The following PCDHGB1 variants were observed in gnomAD, a reference collection of about 807,000 sequenced individuals.
PCDHGB1 encodes protocadherin gamma-B1.
A neutral mutation model predicts 56.6 loss-of-function variants in PCDHGB1; 34 were observed. That is an observed-to-expected ratio of 0.60 (90% CI 0.46 to 0.80). The LOEUF (loss-of-function observed/expected upper bound fraction) is 0.80, where lower values mean the gene tolerates loss of function less well. Ranked by LOEUF, PCDHGB1 falls within the 30% of genes least tolerant of loss-of-function variation. PCDHGB1 has a pLI of 0.00. For synonymous variants in PCDHGB1, 561 were observed against 505.9 expected (o/e 1.11, Z -1.46); for missense variants, 1,278 against 1,204.6 (o/e 1.06, Z -0.90).
At chr5:141,456,309 A>T (rs1305324857) in intron 1 of PCDHGB1, among the ~76,000 whole-genome samples, 1 of 152,138 alleles carries the variant, frequency 6.6e-6, no homozygotes, top group Non-Finnish European at 1.5e-5. Flanking sequence ...AACAGCAGCT[A>T]GGGCTCCTCC....
chr5:141,359,031 G>A (rs1460907999), intron 1 of PCDHGB1, among the ~76,000 whole-genome samples: 1 of 152,244 alleles, frequency 6.6e-6, no homozygotes, highest in Non-Finnish European at 1.5e-5. Flanking sequence ...ACTGGAAGTT[G>A]TAGTGATAGA....
chr5:141,420,465 A>G, intron 1 of PCDHGB1: 1 of 807,604 alleles, frequency 1.2e-6, no homozygotes. Context: ...ATTCAAAGAC[A>G]TTTTAAAGCA....
intron 1 of PCDHGB1, chr5:141,428,358 G>C: frequency 1.8e-6 from 1 of 565,492 alleles, no homozygotes; most frequent in South Asian, 1.9e-5. Context: ...TGATTTTGGC[G>C]GTCGCCTTGC....
intron 1 of PCDHGB1, chr5:141,404,393 A>G: frequency 6.2e-7 from 1 of 1,613,962 alleles, no homozygotes; most frequent in Non-Finnish European, 8.5e-7. Flanking sequence ...TGACCCTGAT[A>G]GCAATGAGAA....
chr5:141,413,033 T>G, intron 1 of PCDHGB1: 1 of 776,760 alleles, frequency 1.3e-6, no homozygotes, highest in Non-Finnish European at 2.0e-6. Context: ...ACAAACCGGC[T>G]GCTGGGCTGC....
At chr5:141,372,615 C>A (rs1244865693) in intron 1 of PCDHGB1, 1 of 1,613,850 alleles carries the variant, frequency 6.2e-7, no homozygotes, top group African/African-American at 1.3e-5. Context: ...TGGAGTTCTC[C>A]CCACCTACAG....
intron 3 of PCDHGB1, among the ~76,000 whole-genome samples, chr5:141,509,381 C>T (rs181928019): frequency 6.6e-6 from 1 of 152,256 alleles, no homozygotes; most frequent in East Asian, 1.9e-4. Flanking sequence ...TGTCTCCTAA[C>T]CACAGAGGAT....
chr5:141,508,171 A>G (rs1364776681), intron 3 of PCDHGB1: 2 of 152,406 alleles, frequency 1.3e-5, no homozygotes, highest in African/African-American at 4.8e-5. Context: ...AGGCTGGCAC[A>G]GGAGAGAAGG....
intron 1 of PCDHGB1, chr5:141,409,257 T>C: frequency 6.2e-7 from 1 of 1,614,022 alleles, no homozygotes; most frequent in Non-Finnish European, 8.5e-7. Flanking sequence ...ATCACTTCTC[T>C]CTCTGATCAG....
chr5:141,408,729 C>T (rs767933076), intron 1 of PCDHGB1: 9 of 1,610,240 alleles, frequency 5.6e-6, no homozygotes, highest in Non-Finnish European at 7.6e-6. Flanking sequence ...AACTCTAATC[C>T]TTATTTTTCA....
rs112808093 is a variant in PCDHGB1, at chr5:141,489,579, C to A, written c.2410-5228C>A. ...CAGTGCAGGTGGTGACTGAACACCC[C>A]CTGGAGCTAATCCGTGTAGAGGTAG... On this transcript the variant is annotated intron_variant, in intron 1 of 3. Coordinates refer to ENST00000523390, the MANE Select transcript of PCDHGB1 (RefSeq NM_018922.3). This position sits in a 1 kb window ranked among gnomAD's most constrained non-coding sequence, Gnocchi z 4.5. 1.2e-6 allele frequency: 2 copies of A among 1,613,922 alleles called. No individual in the cohort carries two copies. Among genetic ancestry groups the A allele is most frequent in the African/African-American group, 2.7e-5 (2 of 74,916 alleles).
At chr5:141,388,351 C>T (rs1245529264) in intron 1 of PCDHGB1, 1 of 1,613,898 alleles carries the variant, frequency 6.2e-7, no homozygotes, top group African/African-American at 1.3e-5. Context: ...ATATTAGGAT[C>T]TGCCCATGAT....
In PCDHGB1 at chr5:141,370,640, G is replaced by A. The variant is rs1411940178; in HGVS notation, c.2409+17971G>A. 4.3e-6 allele frequency: 7 copies of A among 1,613,966 alleles called. No homozygotes were observed. In the East Asian group the frequency reaches 1.6e-4, roughly 36 times the overall value. On this transcript the variant is annotated intron_variant, in intron 1 of 3. Transcript: ENST00000523390. The stretch of plus-strand genomic sequence containing the variant: ...TCTTTACCGTGAGCCCCGAAAATGG[G>A]AACTTACTTGTGAGCGACCGTATAG...
intron 1 of PCDHGB1, chr5:141,383,589 G>A (rs1199547727): frequency 1.2e-6 from 2 of 1,613,716 alleles, no homozygotes; most frequent in Admixed American, 3.3e-5. Context: ...ACATCCAGGT[G>A]ACAGTGGTGG....
At chr5:141,440,983 G>A (rs2154559140) in intron 1 of PCDHGB1, 1 of 152,314 alleles carries the variant, frequency 6.6e-6, no homozygotes, top group South Asian at 2.1e-4. Flanking sequence ...TCACAACCCA[G>A]AGTACCCATA....
In PCDHGB1 at chr5:141,399,480, G is replaced by T. The variant is rs760135566; in HGVS notation, c.2409+46811G>T. ...ATAACGCTCCGGTTTTCCACCAGGC[G>T]TCCTACTTAGTCAGTGTACCCGAAA... On this transcript the variant is annotated intron_variant, in intron 1 of 3. Coordinates refer to ENST00000523390, the MANE Select transcript of PCDHGB1 (RefSeq NM_018922.3). The T allele has an allele frequency of 1.9e-5, 31 of 1,613,886 alleles. No homozygotes were observed. In the South Asian group the frequency reaches 3.2e-4, roughly 17 times the overall value.
At chr5:141,468,953 T>G (rs182999574) in intron 1 of PCDHGB1, among the ~76,000 whole-genome samples, 1,938 of 89,156 alleles carry the variant, frequency 0.022, 22 homozygotes, top group Non-Finnish European at 0.033. Flanking sequence ...AAACCTGTGG[T>G]TTTTTTTACC....
At chr5:141,361,357 G>A (rs1349523966) in intron 1 of PCDHGB1, 1 of 1,613,920 alleles carries the variant, frequency 6.2e-7, no homozygotes, top group Admixed American at 1.7e-5. Flanking sequence ...AGTGACAGAC[G>A]GCGCTCTGGA....
Position 141,375,597 on chromosome 5 carries a change from T to A in PCDHGB1, c.2409+22928T>A, listed in dbSNP as rs752006849. ...CAGGGGGCGCCCCTGTCCTCCTACG[T>A]GTCCATCAACTCCGACACTGGGATT... On this transcript the variant is annotated intron_variant, in intron 1 of 3. Transcript: ENST00000523390. The A allele has an allele frequency of 1.4e-5, 22 of 1,614,042 alleles. No homozygotes were observed. In the Middle Eastern group the frequency reaches 4.9e-4, roughly 36 times the overall value.
Sources: allele counts gnomAD v4.1 joint callset (sites outside exome capture counted in the v4.1 genomes callset), GRCh38; gene constraint gnomAD v4.1.1; non-coding constraint Gnocchi (gnomAD v3.1); transcripts MANE v1.5; gene names NCBI Gene and HGNC (gene_info 2026-07-23, HGNC 2026-07-21).